The following SNX24 variants were observed in gnomAD, a reference collection of about 807,000 sequenced individuals.
SNX24 encodes the protein sorting nexin-24.
SNX24 carries 22 observed loss-of-function variants against 28.7 expected under a neutral mutation model. That is an observed-to-expected ratio of 0.77 (90% CI 0.55 to 1.10). SNX24 has a LOEUF of 1.10. Among genes scored for constraint, SNX24 ranks in the 50% least tolerant of loss-of-function variants. The pLI is 0.00. For missense variants in SNX24, 221 were observed against 201.1 expected (o/e 1.10, Z -0.60); for synonymous variants, 69 against 71.5 (o/e 0.96, Z 0.18).
At chr5:123,019,484 T>G (rs1055323831) in intron 5 of SNX24, among the ~76,000 whole-genome samples, 12 of 152,244 alleles carry the variant, frequency 7.9e-5, no homozygotes, top group African/African-American at 2.9e-4. Flanking sequence ...TGGTGAGTCC[T>G]GTTCAAAATT....
intron 3 of SNX24, among the ~76,000 whole-genome samples, chr5:122,950,387 G>C (rs1172013844): frequency 3.3e-5 from 5 of 152,152 alleles, no homozygotes; most frequent in Non-Finnish European, 7.4e-5. Flanking sequence ...TGAGGCAGAA[G>C]GGTAGATCTA....
chr5:123,002,360 C>T (rs994016778), intron 6 of SNX24, among the ~76,000 whole-genome samples: 1 of 152,080 alleles, frequency 6.6e-6, no homozygotes, highest in African/African-American at 2.4e-5. Context: ...TGCCTCTTCC[C>T]GGCCAGGCAT....
At chr5:123,009,221 TCTC>T (rs1331553068), downstream of SNX24, 44 of 984,714 alleles carry the variant, frequency 4.5e-5, no homozygotes, top group African/African-American at 7.0e-4. Context: ...GAGTTTGTCT[TCTC>T]CTAAGATTTC....
At chr5:123,017,327 A>G (rs1389494366) in intron 5 of SNX24, among the ~76,000 whole-genome samples, 2 of 150,228 alleles carry the variant, frequency 1.3e-5, no homozygotes, top group Admixed American at 6.6e-5. Context: ...GCTCATGTGC[A>G]CCTCCCCTGG....
At chr5:123,028,609 G>T (rs1291567095) in intron 5 of SNX24, 3 of 522,084 alleles carry the variant, frequency 5.7e-6, no homozygotes, top group Non-Finnish European at 1.0e-5. Flanking sequence ...CATACCTGTC[G>T]AGATGCTGCT....
chr5:122,941,351 AAG>A (rs1270334154), intron 2 of SNX24, among the ~76,000 whole-genome samples: 1 of 152,046 alleles, frequency 6.6e-6, no homozygotes, highest in Non-Finnish European at 1.5e-5. Context: ...CACTCCTCCT[AAG>A]AGCTCTTCAG....
chr5:123,017,217 G>A (rs529623396), intron 5 of SNX24, among the ~76,000 whole-genome samples: 2 of 152,060 alleles, frequency 1.3e-5, no homozygotes, highest in East Asian at 1.9e-4. Context: ...ATGGGGATTC[G>A]AATTTAATGG....
At chr5:122,875,720 C>A (rs937840315) in intron 1 of SNX24, among the ~76,000 whole-genome samples, 1 of 152,190 alleles carries the variant, frequency 6.6e-6, no homozygotes, top group African/African-American at 2.4e-5. Flanking sequence ...ATAGTTGTTA[C>A]CATCCTAGGT....
chr5:122,918,426 A>G (rs1056698682), intron 1 of SNX24, among the ~76,000 whole-genome samples: 1 of 152,212 alleles, frequency 6.6e-6, no homozygotes, highest in Non-Finnish European at 1.5e-5. Flanking sequence ...CCCCATTTAC[A>G]TGTACAGCTC....
At chr5:123,017,449 A>C (rs1406040250) in intron 5 of SNX24, among the ~76,000 whole-genome samples, 1 of 150,376 alleles carries the variant, frequency 6.6e-6, no homozygotes, top group African/African-American at 2.4e-5. Context: ...TTTTTAAGAT[A>C]AGTCTTTTGA....
At chr5:122,951,099 C>G (rs1053629879) in intron 3 of SNX24, among the ~76,000 whole-genome samples, 11 of 151,922 alleles carry the variant, frequency 7.2e-5, no homozygotes, top group African/African-American at 2.4e-4. Context: ...AACCCCATCT[C>G]TACTAAAAAT....
chr5:122,990,588 A>T (rs971829988), intron 3 of SNX24, among the ~76,000 whole-genome samples: 8 of 152,332 alleles, frequency 5.3e-5, no homozygotes, highest in East Asian at 3.9e-4. Flanking sequence ...TAAACACTTT[A>T]AAAACATCAA....
At chr5:122,882,873 A>G (rs150104075) in intron 1 of SNX24, among the ~76,000 whole-genome samples, 1 of 152,144 alleles carries the variant, frequency 6.6e-6, no homozygotes, top group Non-Finnish European at 1.5e-5. Flanking sequence ...ATTTATTTTC[A>G]TATCAGACCA....
At chr5:122,851,346 A>T (rs1336122241) in intron 1 of SNX24, among the ~76,000 whole-genome samples, 1 of 152,004 alleles carries the variant, frequency 6.6e-6, no homozygotes, top group East Asian at 1.9e-4. Context: ...TTGTATTTTT[A>T]GTAGAGATGG....
intron 5 of SNX24, among the ~76,000 whole-genome samples, chr5:123,016,466 G>A (rs770316101): frequency 3.9e-5 from 6 of 152,130 alleles, no homozygotes; most frequent in Non-Finnish European, 7.3e-5. Flanking sequence ...TAGTGAGGTG[G>A]GCAAACTATG....
intron 1 of SNX24, among the ~76,000 whole-genome samples, chr5:122,870,710 G>A (rs75918596): frequency 6.6e-6 from 1 of 152,282 alleles, no homozygotes; most frequent in African/African-American, 2.4e-5. Context: ...TCTTGTAAGC[G>A]GGCATGCACG....
At chr5:122,905,186 G>C (rs76779253) in intron 1 of SNX24, among the ~76,000 whole-genome samples, 1 of 152,126 alleles carries the variant, frequency 6.6e-6, no homozygotes, top group African/African-American at 2.4e-5. Flanking sequence ...TTGAGGGTAG[G>C]TAAGGATCCT....
chr5:122,874,711 A>C (rs925111302), intron 1 of SNX24, among the ~76,000 whole-genome samples: 1 of 152,188 alleles, frequency 6.6e-6, no homozygotes, highest in Non-Finnish European at 1.5e-5. Context: ...TTTGGGAGGA[A>C]GGAAGTAGCA....
chr5:122,939,039 T>C (rs185008), intron 2 of SNX24, among the ~76,000 whole-genome samples: 115,525 of 149,224 alleles, frequency 0.77, 45,832 homozygotes, highest in East Asian at 0.99. Context: ...GACTGTAAGA[T>C]TGTGTGCTAA....
Sources: gnomAD v4.1 joint callset for allele counts (sites outside exome capture counted in the v4.1 genomes callset) on GRCh38, gnomAD v4.1.1 for gene constraint, MANE v1.5 for transcripts, NCBI Gene and HGNC (gene_info 2026-07-23, HGNC 2026-07-21) for gene names.